The following PCDHA2 variants were observed in gnomAD, a reference collection of about 807,000 sequenced individuals.
PCDHA2 encodes the protein protocadherin alpha 2.
In PCDHA2, 58 loss-of-function variants were observed where a neutral mutation model predicts 66.0. That is an observed-to-expected ratio of 0.88 (90% CI 0.71 to 1.09). The LOEUF is 1.09. Ranked by LOEUF, PCDHA2 falls within the 50% of genes least tolerant of loss-of-function variation. The pLI is 0.00. For missense variants in PCDHA2, 1,267 were observed against 1,242.3 expected, an observed-to-expected ratio of 1.02 and a Z score of -0.30; for synonymous variants, 634 against 554.0, an observed-to-expected ratio of 1.14 and a Z score of -2.03.
chr5:140,857,913 G>A (rs559667430), intron 1 of PCDHA2: 1 of 1,597,802 alleles, frequency 6.3e-7, no homozygotes, highest in East Asian at 2.2e-5. Context: ...ATCCCGTTTC[G>A]CGTGGGGCTG....
chr5:140,903,211 C>T (rs1457584095), intron 1 of PCDHA2, among the ~76,000 whole-genome samples: 1 of 152,174 alleles, frequency 6.6e-6, no homozygotes, highest in African/African-American at 2.4e-5. Context: ...TCACCACATT[C>T]ATGCCAACAT....
At chr5:140,953,135 G>C (rs1331167155) in intron 1 of PCDHA2, among the ~76,000 whole-genome samples, 2 of 152,126 alleles carry the variant, frequency 1.3e-5, no homozygotes, top group Non-Finnish European at 2.9e-5. Flanking sequence ...CCGTATCACT[G>C]TTATATTTCT....
intron 1 of PCDHA2, among the ~76,000 whole-genome samples, chr5:140,898,433 T>G (rs1253149141): frequency 6.6e-5 from 10 of 152,184 alleles, no homozygotes; most frequent in Non-Finnish European, 7.4e-5. Flanking sequence ...CCAGCACCAT[T>G]TATTAAATAG....
chr5:140,956,540 G>C (rs1356910892), intron 1 of PCDHA2, among the ~76,000 whole-genome samples: 1 of 152,186 alleles, frequency 6.6e-6, no homozygotes, highest in Non-Finnish European at 1.5e-5. Context: ...TGTGCTGCTG[G>C]ATTTGGTTTG....
chr5:140,895,428 C>A (rs2065003978), intron 1 of PCDHA2, among the ~76,000 whole-genome samples: 1 of 152,154 alleles, frequency 6.6e-6, no homozygotes, highest in Non-Finnish European at 1.5e-5. Flanking sequence ...TTTGCTTCCT[C>A]CTGAGACTCT....
intron 1 of PCDHA2, chr5:140,870,392 G>A (rs1330154432): frequency 1.9e-6 from 3 of 1,614,136 alleles, no homozygotes; most frequent in South Asian, 2.2e-5. Context: ...CGGGATGGGG[G>A]TTCGCCTTCT....
chr5:140,813,540 A>G (rs1554126219), intron 1 of PCDHA2: 2 of 152,230 alleles, frequency 1.3e-5, no homozygotes, highest in Admixed American at 1.3e-4. Flanking sequence ...GTACACCTGA[A>G]TAGGGTACTT....
intron 3 of PCDHA2, among the ~76,000 whole-genome samples, chr5:140,992,848 C>T (rs2097530967): frequency 6.6e-6 from 1 of 152,124 alleles, no homozygotes; most frequent in Non-Finnish European, 1.5e-5. Flanking sequence ...TGTATAACAA[C>T]CAGTTTCACT....
At position 140,849,493 on chromosome 5, in the gene PCDHA2, A is replaced by G. The variant is rs2150439016; in HGVS notation, c.2388+52141A>G. ...AAAGGCTTCCCACCCCTGGCTGGTC[A>G]TTGTACACTTCTTGTGGAAGTTGTG... On this transcript the variant is annotated intron_variant, in intron 1 of 3. Transcript: ENST00000526136. 4.4e-6 allele frequency: 7 copies of G among 1,593,210 alleles called. 2 individuals are homozygous for G. Among genetic ancestry groups the G allele is most frequent in the Non-Finnish European group, 3.4e-6 (4 of 1,164,850 alleles).
chr5:140,961,736 T>C (rs1554225571), intron 1 of PCDHA2, among the ~76,000 whole-genome samples: 1 of 152,178 alleles, frequency 6.6e-6, no homozygotes. Context: ...ACAATCACTT[T>C]AGTAATATTA....
At chr5:141,004,255 G>T (rs782648685) in intron 3 of PCDHA2, among the ~76,000 whole-genome samples, 2 of 152,190 alleles carry the variant, frequency 1.3e-5, no homozygotes, top group Non-Finnish European at 2.9e-5. Flanking sequence ...TTGTTTTACT[G>T]GAATGAGTCA....
chr5:140,943,491 G>A (rs1387185924), intron 1 of PCDHA2, among the ~76,000 whole-genome samples: 4 of 151,986 alleles, frequency 2.6e-5, no homozygotes, highest in Non-Finnish European at 5.9e-5. Context: ...ATAAATAGAT[G>A]CTATCAAGGT....
intron 1 of PCDHA2, among the ~76,000 whole-genome samples, chr5:140,914,027 T>C (rs188298966): frequency 6.6e-6 from 1 of 152,186 alleles, no homozygotes; most frequent in Non-Finnish European, 1.5e-5. Context: ...ATCCACGTGC[T>C]GAGAAGAATG....
intron 1 of PCDHA2, among the ~76,000 whole-genome samples, chr5:140,941,215 C>CTT (rs782548958): frequency 1.2e-4 from 13 of 104,510 alleles, no homozygotes; most frequent in African/African-American, 4.4e-4. Flanking sequence ...TTCTTTCTTC[C>CTT]TTTCTTTCTT....
chr5:140,885,861 A>G (rs1329895164), intron 1 of PCDHA2, among the ~76,000 whole-genome samples: 1 of 152,104 alleles, frequency 6.6e-6, no homozygotes, highest in African/African-American at 2.4e-5. Context: ...CTACTTTTCT[A>G]TTGAAAAAAA....
chr5:140,864,851 A>G (rs1554159167), intron 1 of PCDHA2: 1 of 152,190 alleles, frequency 6.6e-6, no homozygotes, highest in Non-Finnish European at 1.5e-5. Context: ...CTTCCCATAC[A>G]TGATGAAGGG....
chr5:140,834,739 T>G (rs1422918644), intron 1 of PCDHA2: 1 of 1,614,236 alleles, frequency 6.2e-7, no homozygotes, highest in Non-Finnish European at 8.5e-7. Flanking sequence ...GTTTTCCATG[T>G]GGACGTGGAG....
chr5:140,929,992 C>T (rs1015837723), intron 1 of PCDHA2: 7 of 152,300 alleles, frequency 4.6e-5, no homozygotes, highest in East Asian at 1.9e-4. Flanking sequence ...TTGGGAATGA[C>T]ACCCTAAAAC....
rs567436398 is a variant in PCDHA2 at position 140,796,478 on chromosome 5, C to G, written c.1514C>G (p.Ser505Trp). 20 of 1,612,232 alleles carry G rather than the reference C, an allele frequency of 1.2e-5. No individual in the cohort carries two copies. In the East Asian group the frequency reaches 4.0e-4, roughly 32 times the overall value. ...CGGCGGGTGGGCGAGCGCGCGTTGT[C>G]GAGCTACGTTTCGGTGCACGCGGAG... The part of the protein sequence containing the change: ...VERRVGERAL[S>W]SYVSVHAESG... Residue 505 changes from serine to tryptophan, a missense_variant, in exon 1 of 4, where the codon TCG becomes TGG. Ser to Trp is a radical substitution (Grantham distance 177). Coordinates refer to ENST00000526136, the MANE Select transcript of PCDHA2 (RefSeq NM_018905.3).
Sources: gnomAD v4.1 joint callset for allele counts (sites outside exome capture counted in the v4.1 genomes callset) on GRCh38, gnomAD v4.1.1 for gene constraint, MANE v1.5 for transcripts, NCBI Gene and HGNC (gene_info 2026-07-23, HGNC 2026-07-21) for gene names.